WDR90: variants seen among roughly 807,000 people sequenced by gnomAD.
WDR90 encodes the protein WD repeat domain 90, also known as WD repeat-containing protein 90.
Under a neutral mutation model 195.2 loss-of-function variants are expected in WDR90, and 238 were observed. The observed-to-expected ratio is 1.22, with a 90% CI of 1.10 to 1.36. WDR90 has a LOEUF of 1.36. WDR90 is among the 40% of genes most tolerant of loss of function. The pLI is 0.00. For missense variants in WDR90, 2,734 were observed against 2,439.5 expected (o/e 1.12, Z -2.54); for synonymous variants, 1,265 against 1,052.4 (o/e 1.20, Z -3.91).
intron 10 of WDR90, 33 bp downstream of exon 10, chr16:652,568 C>A: frequency 6.3e-7 from 1 of 1,575,122 alleles, no homozygotes; most frequent in Non-Finnish European, 8.6e-7. Flanking sequence ...CAGAGCAGCT[C>A]TCGTTGGCCG....
rs2037898733 is a variant in WDR90, at chr16:661,034, G to GCCCCCTGTTCGGC, written c.3392-14_3392-13insCCTGTTCGGCCCC. 1 of 999,338 alleles carries GCCCCCTGTTCGGC rather than the reference G, an allele frequency of 1.0e-6. No individual in the cohort carries two copies. Among genetic ancestry groups the GCCCCCTGTTCGGC allele is most frequent in the Non-Finnish European group, 1.2e-6 (1 of 803,458 alleles). 61.9% of individuals were successfully genotyped at this position (999,338 alleles called of 1,614,324 possible). On this transcript the variant is annotated splice_polypyrimidine_tract_variant and intron_variant, in intron 28 of 40. Transcript: ENST00000293879. ...CCCCCCCGGCCCGGCCTCAGGCCCC[G>GCCCCCTGTTCGGC]CCCTCTCTGCGCACAGGCTTCTTTG...
intron 21 of WDR90, 130 bp downstream of exon 21, chr16:658,022 A>G (rs2037798360): frequency 6.9e-7 from 1 of 1,455,776 alleles, no homozygotes; most frequent in South Asian, 1.4e-5. Context: ...CAGAGTACAC[A>G]TCAGCCATGT....
intron 34 of WDR90, 122 bp from the exon 35 acceptor site, chr16:665,557 G>A (rs748747716): frequency 1.2e-5 from 18 of 1,508,228 alleles, no homozygotes; most frequent in African/African-American, 4.1e-5. Flanking sequence ...GGAGTTGGCC[G>A]GGGCCAGAGG....
chr16:665,651 C>T lies in WDR90; in HGVS notation c.4312-28C>T, dbSNP rs770071250. The T allele has an allele frequency of 1.2e-5, 20 of 1,612,348 alleles. No individual in the cohort carries two copies. In the African/African-American group the frequency reaches 2.1e-4, roughly 17 times the overall value. On this transcript the variant is annotated intron_variant, in intron 34 of 40. Coordinates refer to ENST00000293879, the MANE Select transcript of WDR90 (RefSeq NM_145294.5). ...CCTTTACCCTGCCCAGGGGCCAACACCCCCAGCCTAGCTACGGCTTCCCCC... is the reference window on the plus strand; with the variant it reads ...CCTTTACCCTGCCCAGGGGCCAACATCCCCAGCCTAGCTACGGCTTCCCCC...
At chr16:659,968 C>T in intron 26 of WDR90, 90 bp from the exon 27 acceptor site, 1 of 1,007,044 alleles carries the variant, frequency 9.9e-7, no homozygotes, top group South Asian at 1.6e-5. Context: ...TGTGGTAGAC[C>T]AGGGGCTTGT....
In WDR90 at chr16:650,600, C is replaced by T. The variant is rs752523600; in HGVS notation, c.450C>T (p.Asp150=). The T allele has an allele frequency of 1.6e-5, 25 of 1,612,634 alleles. No individual in the cohort carries two copies. The highest frequency in any genetic ancestry group is 1.2e-4 in the South Asian group (11 of 91,090). ...RWTCLQLDLQ[D]VLLVYLNRCY... ...CCTGCCTGCAGCTCGATCTGCAGGACGTTCTCCTGGTCTACCTGAACCGGT... is the reference window on the plus strand; with the variant it reads ...CCTGCCTGCAGCTCGATCTGCAGGATGTTCTCCTGGTCTACCTGAACCGGT... Residue 150 remains aspartate (D), a synonymous_variant, in exon 5 of 41, where the codon GAC becomes GAT. Coordinates refer to ENST00000293879, the MANE Select transcript of WDR90 (RefSeq NM_145294.5).
In WDR90 at chr16:662,265, C is replaced by T. The variant is rs755898886; in HGVS notation, c.4079C>T (p.Thr1360Met). The T allele has an allele frequency of 5.1e-5, 81 of 1,585,586 alleles. 1 individual carries two copies. The South Asian group carries it at 5.5e-4, about 11-fold the overall frequency. Residue 1360 changes from threonine (T) to methionine (M), a missense_variant, in exon 33 of 41, where the codon ACG (threonine) becomes ATG (methionine). Physicochemically the swap from Thr to Met is moderately conservative, Grantham distance 81. Coordinates refer to ENST00000293879, the MANE Select transcript of WDR90 (RefSeq NM_145294.5). The part of the protein sequence containing the change: ...SGSRLVSGSS[T>M]GRLRLWAVGA... ...TCTCGATTGGTCAGCGGCAGCAGCA[C>T]GGGGCGGCTGCGCCTGTGGGCCGTG...
chr16:660,990 G>GCCCCCCCCCCCCCCCCCCC, intron 28 of WDR90, 61 bp from the exon 29 acceptor site: 1 of 21,754 alleles, frequency 4.6e-5, no homozygotes. Context: ...CCCTCCCCAG[G>GCCCCCCCCCCCCCCCCCCC]CCCCTCCCCG....
In WDR90 at chr16:651,009, C is replaced by G. The variant is rs1172650549; in HGVS notation, c.574C>G (p.Gln192Glu). Reference protein sequence around the residue: ...LCFEPAISGAQWAKLPVTPMP... With the variant: ...LCFEPAISGAEWAKLPVTPMP... Reference sequence around the variant, plus strand: ...GCTCCTTGTAGCCATCTCTGGGGCCCAGTGGGCAAAGCTGCCCGTGACTCC... The same window carrying G: ...GCTCCTTGTAGCCATCTCTGGGGCCGAGTGGGCAAAGCTGCCCGTGACTCC... Residue 192 changes from glutamine to glutamate, a missense_variant, in exon 6 of 41, where the codon CAG (glutamine) becomes GAG (glutamate). By Grantham distance (29) the Gln-to-Glu change is conservative. Transcript: ENST00000293879. 6.2e-7 allele frequency: 1 copy of G among 1,613,124 alleles called. No homozygotes were observed. Among genetic ancestry groups the G allele is most frequent in the Non-Finnish European group, 8.5e-7 (1 of 1,179,984 alleles).
intron 22 of WDR90, 54 bp downstream of exon 22, chr16:658,398 C>CT: frequency 6.3e-7 from 1 of 1,591,920 alleles, no homozygotes; most frequent in Non-Finnish European, 8.6e-7. Context: ...CTGTCCAGGC[C>CT]TGGCCTCTGT....
intron 35 of WDR90, 42 bp from the exon 36 acceptor site, chr16:665,908 G>A (rs1171166340): frequency 1.3e-6 from 2 of 1,562,614 alleles, no homozygotes; most frequent in South Asian, 2.4e-5. Context: ...GTGTCCTCAG[G>A]GCCCCTGTGA....
At position 659,727 on chromosome 16, in the gene WDR90, G is replaced by A. The variant is rs1260406919; in HGVS notation, c.3185-331G>A. 3.3e-5 allele frequency among the ~76,000 whole-genome samples: 5 copies of A among 152,352 alleles called. No homozygotes were observed. In the East Asian group the frequency reaches 9.6e-4, roughly 29 times the overall value. Reference sequence around the variant, plus strand: ...CACGGAGGAGGAGGCTGGCAGGGCTGGAGACGGGGCCTGGGCTGCGGCAGT... The same window carrying A: ...CACGGAGGAGGAGGCTGGCAGGGCTAGAGACGGGGCCTGGGCTGCGGCAGT... On this transcript the variant is annotated intron_variant, in intron 26 of 40. Transcript: ENST00000293879.
chr16:664,225 C>T (rs2037977770), intron 34 of WDR90, among the ~76,000 whole-genome samples: 2 of 152,154 alleles, frequency 1.3e-5, no homozygotes, highest in Non-Finnish European at 2.9e-5. Context: ...GTTCCTCGGT[C>T]GCTCCCTGCT....
upstream of WDR90, chr16:649,263 C>G: frequency 1.1e-6 from 1 of 879,194 alleles, no homozygotes; most frequent in Non-Finnish European, 1.5e-6. Context: ...GCGGGGTACT[C>G]CCACCGGGGA....
intron 25 of WDR90, 41 bp from the exon 26 acceptor site, chr16:659,203 TC>T (rs2037836361): frequency 6.2e-7 from 1 of 1,610,456 alleles, no homozygotes; most frequent in Admixed American, 1.7e-5. Flanking sequence ...TAGTGGCCCT[TC>T]CTCTTCCTTC....
chr16:662,626 G>T, intron 33 of WDR90, 53 bp from the exon 34 acceptor site: 2 of 1,513,110 alleles, frequency 1.3e-6, no homozygotes, highest in Middle Eastern at 2.5e-4. Context: ...GCTGGCTCTT[G>T]TCATCGGCCT....
Position 651,106 on chromosome 16 carries a change from G to A in WDR90, c.668+3G>A, listed in dbSNP as rs2037637221. 6.2e-7 allele frequency: 1 copy of A among 1,608,170 alleles called. No homozygotes were observed. The highest frequency in any genetic ancestry group is 1.1e-5 in the South Asian group (1 of 90,982). ...CATGACCGCTACATCCACGTCCGGT[G>A]AGTGGTTCTGCTTCTTTCGAGGGAG... On this transcript the variant is annotated splice_donor_region_variant and intron_variant, in intron 6 of 40. Transcript: ENST00000293879.
chr16:649,578 G>A, intron 1 of WDR90, 152 bp downstream of exon 1: 1 of 1,178,694 alleles, frequency 8.5e-7, no homozygotes, highest in Non-Finnish European at 1.1e-6. Context: ...CCCACCCTCG[G>A]GCTCCCGGAG....
At chr16:663,044 G>C (rs1404265621) in intron 34 of WDR90, 200 bp downstream of exon 34, 2 of 802,282 alleles carry the variant, frequency 2.5e-6, no homozygotes, top group South Asian at 2.9e-5. Context: ...GCACAAGCGA[G>C]CCGCCTGGCA....
Sources: gnomAD v4.1 joint callset for allele counts (sites outside exome capture counted in the v4.1 genomes callset) on GRCh38, gnomAD v4.1.1 for gene constraint, MANE v1.5 for transcripts, NCBI Gene and HGNC (gene_info 2026-07-23, HGNC 2026-07-21) for gene names.